FILIP1: variants seen among roughly 807,000 people sequenced by gnomAD.
FILIP1 encodes filamin-A-interacting protein 1.
In FILIP1, 61 loss-of-function variants were observed where a neutral mutation model predicts 102.1. That is an observed-to-expected ratio of 0.60 (90% CI 0.49 to 0.74). FILIP1 has a LOEUF of 0.74. Ranked by LOEUF, FILIP1 falls within the 30% of genes least tolerant of loss-of-function variation. The probability of loss-of-function intolerance (pLI) is 0.00; values close to 1 mark genes in which losing one functional copy is unlikely to be tolerated. For missense variants in FILIP1, 1,314 were observed against 1,441.2 expected, an observed-to-expected ratio of 0.91 and a Z score of 1.43; for synonymous variants, 491 against 526.9, an observed-to-expected ratio of 0.93 and a Z score of 0.93.
At chr6:75,451,269 A>T (rs1035957251) in intron 1 of FILIP1, among the ~76,000 whole-genome samples, 2 of 148,596 alleles carry the variant, frequency 1.3e-5, no homozygotes, top group Non-Finnish European at 3.0e-5. Flanking sequence ...ACATATATGT[A>T]TATGTAATTT....
chr6:75,435,290 T>C (rs1481002451), intron 1 of FILIP1, among the ~76,000 whole-genome samples: 6 of 152,186 alleles, frequency 3.9e-5, no homozygotes, highest in South Asian at 2.1e-4. Flanking sequence ...AAGAACAAAA[T>C]TATATCATAG....
chr6:75,374,935 A>G, intron 2 of FILIP1, among the ~76,000 whole-genome samples: 1 of 152,204 alleles, frequency 6.6e-6, no homozygotes. Context: ...TTGCAGCTCG[A>G]GGGGGAAATC....
intron 1 of FILIP1, among the ~76,000 whole-genome samples, chr6:75,417,450 A>G (rs929934209): frequency 3.3e-5 from 5 of 152,228 alleles, no homozygotes; most frequent in Admixed American, 3.3e-4. Context: ...ATTTCTCAAA[A>G]GAATAACTAA....
intron 1 of FILIP1, among the ~76,000 whole-genome samples, chr6:75,445,045 T>A (rs1486230408): frequency 6.6e-6 from 1 of 152,128 alleles, no homozygotes; most frequent in South Asian, 2.1e-4. Flanking sequence ...TGAGACAAGA[T>A]AGAAATAGAG....
chr6:75,456,064 C>G (rs1021667308), intron 1 of FILIP1, among the ~76,000 whole-genome samples: 1 of 152,176 alleles, frequency 6.6e-6, no homozygotes, highest in Non-Finnish European at 1.5e-5. Context: ...ACACATCCTC[C>G]TAGGCCCTAC....
At chr6:75,368,392 T>A (rs1775410322) in intron 2 of FILIP1, among the ~76,000 whole-genome samples, 1 of 152,198 alleles carries the variant, frequency 6.6e-6, no homozygotes, top group Non-Finnish European at 1.5e-5. Context: ...CCGAATCCAA[T>A]CACTCCTTCA....
At chr6:75,363,157 C>A in intron 2 of FILIP1, 23 of 354,664 alleles carry the variant, frequency 6.5e-5, no homozygotes, top group East Asian at 2.4e-4. Flanking sequence ...ATATTAACTA[C>A]ATAAAAATTG....
chr6:75,405,327 C>T (rs1776802797), intron 2 of FILIP1, among the ~76,000 whole-genome samples: 1 of 151,978 alleles, frequency 6.6e-6, no homozygotes, highest in South Asian at 2.1e-4. Flanking sequence ...TACTCTGTGC[C>T]ACACAATTAA....
At position 75,312,496 on chromosome 6, in the gene FILIP1, G is replaced by C. The variant is rs777798341; in HGVS notation, c.3336C>G (p.Pro1112=). The change falls in exon 5 of 6, where the codon CCC becomes CCG. Residue 1112 remains proline (P), a synonymous_variant. Coordinates refer to ENST00000237172, the MANE Select transcript of FILIP1 (RefSeq NM_015687.5). ...CAGGCCGTGAGGAGAGGTGATTCCT[G>C]GGAGAGCGAAGGACAGTGCCGGTGG... is the stretch of plus-strand genomic sequence containing the variant. ...EVSTGTVLRS[P]RNHLSSRPGA... is the part of the protein sequence containing the mutation. 3 of 1,614,048 alleles carry C rather than the reference G, an allele frequency of 1.9e-6. No homozygotes were observed. In the African/African-American group the frequency reaches 4.0e-5, roughly 22 times the overall value.
At chr6:75,328,152 ACCTT>A (rs1773937993) in intron 4 of FILIP1, among the ~76,000 whole-genome samples, 1 of 152,200 alleles carries the variant, frequency 6.6e-6, no homozygotes, top group African/African-American at 2.4e-5. Flanking sequence ...ACCAATTGTA[ACCTT>A]TTGGATTCTT....
chr6:75,484,963 T>C (rs1465482984), intron 1 of FILIP1, among the ~76,000 whole-genome samples: 2 of 152,132 alleles, frequency 1.3e-5, no homozygotes, highest in Non-Finnish European at 2.9e-5. Context: ...CCAAAAGAAA[T>C]TTAGAATAAT....
chr6:75,357,396 A>G (rs1271756103), intron 3 of FILIP1: 1 of 152,236 alleles, frequency 6.6e-6, no homozygotes, highest in African/African-American at 2.4e-5. Context: ...GCCTTTTTAC[A>G]TCTATTCTTG....
intron 2 of FILIP1, among the ~76,000 whole-genome samples, chr6:75,395,063 G>A (rs1429533976): frequency 6.6e-6 from 1 of 151,960 alleles, no homozygotes; most frequent in African/African-American, 2.4e-5. Context: ...TGAAATGAAT[G>A]TAAAATCTCT....
At chr6:75,453,567 T>G (rs983548680) in intron 1 of FILIP1, among the ~76,000 whole-genome samples, 3 of 152,042 alleles carry the variant, frequency 2.0e-5, no homozygotes, top group Non-Finnish European at 4.4e-5. Flanking sequence ...TCCCAGCACT[T>G]TGGGAGGCTG....
At chr6:75,492,626 T>C (rs896217167) in intron 1 of FILIP1, among the ~76,000 whole-genome samples, 1 of 152,178 alleles carries the variant, frequency 6.6e-6, no homozygotes, top group African/African-American at 2.4e-5. Context: ...TGCCATCAGC[T>C]GAAAGGAGGA....
intron 5 of FILIP1, 78 bp downstream of exon 5, chr6:75,312,319 A>G: frequency 7.0e-7 from 1 of 1,418,812 alleles, no homozygotes; most frequent in Non-Finnish European, 9.6e-7. Context: ...GCTGGGTTTT[A>G]CTGTGGGTGC....
intron 4 of FILIP1, among the ~76,000 whole-genome samples, chr6:75,348,846 C>T (rs958339574): frequency 6.6e-6 from 1 of 152,172 alleles, no homozygotes; most frequent in Non-Finnish European, 1.5e-5. Context: ...AAAGCATCTA[C>T]CTTGACATTC....
At chr6:75,366,180 A>T (rs569159942) in intron 2 of FILIP1, 2 of 152,214 alleles carry the variant, frequency 1.3e-5, no homozygotes, top group South Asian at 2.1e-4. Flanking sequence ...TAGACACCTG[A>T]AGGAATCACA....
chr6:75,466,955 T>C (rs929050991), intron 1 of FILIP1, among the ~76,000 whole-genome samples: 7 of 152,364 alleles, frequency 4.6e-5, no homozygotes, highest in African/African-American at 1.7e-4. Flanking sequence ...CCAAGGCAGA[T>C]TGTTAACTAT....
Sources: allele counts gnomAD v4.1 joint callset (sites outside exome capture counted in the v4.1 genomes callset), GRCh38; gene constraint gnomAD v4.1.1; transcripts MANE v1.5; gene names NCBI Gene and HGNC (gene_info 2026-07-23, HGNC 2026-07-21).